The following ATP2B4 variants were observed in gnomAD, a reference collection of about 807,000 sequenced individuals.
ATP2B4 encodes the protein ATPase plasma membrane Ca2+ transporting 4, also known as plasma membrane calcium-transporting ATPase 4.
In ATP2B4, 39 loss-of-function variants were observed where a neutral mutation model predicts 110.3. The observed-to-expected ratio is 0.35, with a 90% CI of 0.27 to 0.46. The LOEUF (loss-of-function observed/expected upper bound fraction) is 0.46, where lower values mean the gene tolerates loss of function less well. ATP2B4 is among the 20% of genes least tolerant of loss of function. The probability of loss-of-function intolerance (pLI) is 1.00; values close to 1 mark genes in which losing one functional copy is unlikely to be tolerated. For synonymous variants in ATP2B4, 538 were observed against 571.7 expected, an observed-to-expected ratio of 0.94 and a Z score of 0.84; for missense variants, 1,135 against 1,530.9, an observed-to-expected ratio of 0.74 and a Z score of 4.32.
chr1:203,672,910 C>T (rs993595486), intron 1 of ATP2B4, among the ~76,000 whole-genome samples: 1 of 152,138 alleles, frequency 6.6e-6, no homozygotes, highest in Non-Finnish European at 1.5e-5. Context: ...TGTTGAGTGA[C>T]ATCCTCTCAA....
At chr1:203,702,173 A>T in intron 7 of ATP2B4, 94 bp downstream of exon 7, 1 of 1,494,602 alleles carries the variant, frequency 6.7e-7, no homozygotes. Flanking sequence ...TCCTCTCCAT[A>T]AATCTGTTAT....
chr1:203,686,689 T>TTTTTC (rs1665197302), intron 2 of ATP2B4, among the ~76,000 whole-genome samples: 1 of 115,132 alleles, frequency 8.7e-6, no homozygotes, highest in South Asian at 3.3e-4. Context: ...TTCTTTCTTT[T>TTTTTC]TTTTTTTTTT....
rs113901324 is a variant in ATP2B4, at chr1:203,627,318, A to C, written c.-465+99A>C. ...AACTCCCCGATTTTCCTCTTTCTAGAATATTTCATGCGACTGGGTTTGGAG... is the reference window on the plus strand; with the variant it reads ...AACTCCCCGATTTTCCTCTTTCTAGCATATTTCATGCGACTGGGTTTGGAG... On this transcript the variant is annotated intron_variant, in intron 1 of 20. Coordinates refer to ENST00000357681, the MANE Select transcript of ATP2B4 (RefSeq NM_001684.5). 877 of 152,350 alleles carry C rather than the reference A, an allele frequency of 5.8e-3. 9 individuals are homozygous for C. Among genetic ancestry groups the C allele is most frequent in the African/African-American group, 0.02 (846 of 41,574 alleles). The allele number at this position is 152,350 out of a possible 1,614,324, so 9.4% of individuals were successfully genotyped here.
chr1:203,672,317 G>A (rs1045815909), intron 1 of ATP2B4, among the ~76,000 whole-genome samples: 18 of 137,072 alleles, frequency 1.3e-4, no homozygotes, highest in Admixed American at 3.1e-4. Flanking sequence ...AGTAAGTTGC[G>A]GTGGCTCTTT....
intron 15 of ATP2B4, 24 bp downstream of exon 15, chr1:203,714,301 T>C: frequency 6.2e-7 from 1 of 1,612,872 alleles, no homozygotes; most frequent in Non-Finnish European, 8.5e-7. Context: ...AGTGTCTCTC[T>C]GATTGCAAGC....
At chr1:203,716,307 C>T (rs1666157231) in intron 15 of ATP2B4, among the ~76,000 whole-genome samples, 1 of 145,196 alleles carries the variant, frequency 6.9e-6, no homozygotes, top group South Asian at 2.3e-4. Flanking sequence ...AAACAGAGTC[C>T]ATTCTTTCCC....
chr1:203,742,333 T>C lies in ATP2B4; in HGVS notation c.*2479T>C, dbSNP rs562391759. The C allele has an allele frequency of 6.5e-6, 1 of 152,778 alleles. No homozygotes were observed. Among genetic ancestry groups the C allele is most frequent in the East Asian group, 1.9e-4 (1 of 5,190 alleles). 9.5% of individuals were successfully genotyped at this position (152,778 alleles called of 1,614,324 possible). A position where few individuals can be genotyped will look rare whatever the true frequency, so the allele number is the denominator to read the frequency against. On this transcript the variant is annotated 3_prime_UTR_variant, in exon 21 of 21. Transcript: ENST00000357681. The stretch of plus-strand genomic sequence containing the variant: ...TTAGGGAAGAAAAATTGTTGGGTTC[T>C]AGACTTTTTTAATATAAATTTTGTT...
intron 1 of ATP2B4, among the ~76,000 whole-genome samples, chr1:203,669,305 T>A (rs111956004): frequency 2.2e-4 from 34 of 152,298 alleles, no homozygotes; most frequent in African/African-American, 7.9e-4. Flanking sequence ...CAACCATTCA[T>A]TCAGTCTGCC....
At chr1:203,737,672 A>G (rs952898867) in intron 20 of ATP2B4, among the ~76,000 whole-genome samples, 3 of 152,198 alleles carry the variant, frequency 2.0e-5, no homozygotes, top group African/African-American at 7.2e-5. Context: ...TAGGAATCAG[A>G]TAATAAAAAT....
chr1:203,642,611 C>T lies in ATP2B4; in HGVS notation c.-465+15392C>T, dbSNP rs531653267. On this transcript the variant is annotated intron_variant, in intron 1 of 20. Coordinates refer to ENST00000357681, the MANE Select transcript of ATP2B4 (RefSeq NM_001684.5). ...TTGATATAGCAAAGAATGCTAATTT[C>T]CACTGGGTTTTCAGCCCCGGGGGTC... Among the ~76,000 whole-genome samples, 8 of 152,318 alleles carry T rather than the reference C, an allele frequency of 5.3e-5. No homozygotes were observed. The East Asian group carries it at 1.3e-3, about 26-fold the overall frequency.
chr1:203,739,974 G>T lies in ATP2B4; in HGVS notation c.*120G>T. ...AGCTGCTGTGTTAACAGCAGTGTGT[G>T]TGAAGTGAACCTCTACCTGACCATG... On this transcript the variant is annotated 3_prime_UTR_variant, in exon 21 of 21. Coordinates refer to ENST00000357681, the MANE Select transcript of ATP2B4 (RefSeq NM_001684.5). 9.0e-7 allele frequency: 1 copy of T among 1,111,944 alleles called. No individual in the cohort carries two copies. Among genetic ancestry groups the T allele is most frequent in the East Asian group, 2.6e-5 (1 of 39,118 alleles). 68.9% of individuals were successfully genotyped at this position (1,111,944 alleles called of 1,614,324 possible). A position where few individuals can be genotyped will look rare whatever the true frequency, so the allele number is the denominator to read the frequency against.
intron 1 of ATP2B4, among the ~76,000 whole-genome samples, chr1:203,648,457 GCCACTTGACAC>G (rs1663875729): frequency 6.6e-6 from 1 of 152,104 alleles, no homozygotes; most frequent in Admixed American, 6.5e-5. Context: ...CTTGTGGTGG[GCCACTTGACAC>G]CCCTTGGCAG....
chr1:203,720,817 GT>G, intron 16 of ATP2B4, 77 bp downstream of exon 16: 1 of 1,462,952 alleles, frequency 6.8e-7, no homozygotes. Context: ...ACTACGGTGT[GT>G]TTACTGAAGA....
rs145588171 is a variant in ATP2B4, at chr1:203,689,856, G to T, written c.193+6458G>T. Among the ~76,000 whole-genome samples the T allele has an allele frequency of 2.0e-4, 31 of 152,148 alleles. No homozygotes were observed. The East Asian group carries it at 6.0e-3, about 29-fold the overall frequency. The stretch of plus-strand genomic sequence containing the variant: ...CACAGTGTAGGGACCTAAGCTGAAG[G>T]CATTGCAGGGGAGGGGAAGGGGGCT... On this transcript the variant is annotated intron_variant, in intron 2 of 20. Transcript: ENST00000357681.
intron 1 of ATP2B4, among the ~76,000 whole-genome samples, chr1:203,630,398 G>A (rs1372264013): frequency 7.4e-6 from 1 of 134,272 alleles, no homozygotes; most frequent in Non-Finnish European, 1.6e-5. Context: ...CAATGCTCCT[G>A]GCCTTGGACC....
chr1:203,649,686 C>G (rs1442844082), intron 1 of ATP2B4, among the ~76,000 whole-genome samples: 1 of 152,080 alleles, frequency 6.6e-6, no homozygotes, highest in African/African-American at 2.4e-5. Flanking sequence ...CCCAGCTACT[C>G]AAGAGGCTGA....
At position 203,707,304 on chromosome 1, in the gene ATP2B4, A is replaced by G; in HGVS notation, c.1314+81A>G. The G allele has an allele frequency of 8.0e-6, 11 of 1,377,706 alleles. No homozygotes were observed. The South Asian group carries it at 1.5e-4, about 19-fold the overall frequency. 85.3% of individuals were successfully genotyped at this position (1,377,706 alleles called of 1,614,324 possible). On this transcript the variant is annotated intron_variant, in intron 9 of 20. Transcript: ENST00000357681. ...ACCATGTAACCTTTAGTGAAAAGAT[A>G]AGCCATTCTATCATCTATAAACTTT...
At position 203,743,413 on chromosome 1, in the gene ATP2B4, G is replaced by A. The variant is rs946203610; in HGVS notation, c.*3559G>A. The A allele has an allele frequency of 2.0e-5, 3 of 152,534 alleles. No individual in the cohort carries two copies. Among genetic ancestry groups the A allele is most frequent in the Non-Finnish European group, 2.9e-5 (2 of 68,044 alleles). 9.4% of individuals were successfully genotyped at this position (152,534 alleles called of 1,614,324 possible). A position where few individuals can be genotyped will look rare whatever the true frequency, so the allele number is the denominator to read the frequency against. Reference sequence around the variant, plus strand: ...GCCTCTTCCTCTGAATAGACCAGACGCCCTTTCACTTAGTTCAGTGCCAGT... The same window carrying A: ...GCCTCTTCCTCTGAATAGACCAGACACCCTTTCACTTAGTTCAGTGCCAGT... On this transcript the variant is annotated 3_prime_UTR_variant, in exon 21 of 21. Coordinates refer to ENST00000357681, the MANE Select transcript of ATP2B4 (RefSeq NM_001684.5).
chr1:203,720,379 G>A (rs550142427), intron 15 of ATP2B4, among the ~76,000 whole-genome samples, 170 bp from the exon 16 acceptor site: 5 of 152,300 alleles, frequency 3.3e-5, no homozygotes, highest in East Asian at 3.9e-4. Context: ...GCATCAGGCC[G>A]CAGCCCTCCT....
Sources: allele counts gnomAD v4.1 joint callset (sites outside exome capture counted in the v4.1 genomes callset), GRCh38; gene constraint gnomAD v4.1.1; transcripts MANE v1.5; gene names NCBI Gene and HGNC (gene_info 2026-07-23, HGNC 2026-07-21).